The following CCSER1 variants were observed in gnomAD, a reference collection of about 807,000 sequenced individuals.
The protein encoded by CCSER1 is coiled-coil serine rich protein 1, also known as serine-rich coiled-coil domain-containing protein 1.
Under a neutral mutation model 82.0 loss-of-function variants are expected in CCSER1, and 41 were observed. That is an observed-to-expected ratio of 0.50 (90% confidence interval 0.39 to 0.65). The LOEUF (loss-of-function observed/expected upper bound fraction) is 0.65. Among genes scored for constraint, CCSER1 ranks in the 30% least tolerant of loss-of-function variants. The pLI is 0.00. For missense variants in CCSER1, 1,119 were observed against 1,064.2 expected (o/e 1.05, Z -0.72); for synonymous variants, 414 against 383.9 (o/e 1.08, Z -0.92).
intron 9 of CCSER1, among the ~76,000 whole-genome samples, chr4:91,059,042 C>G (rs1289713161): frequency 6.6e-6 from 1 of 151,840 alleles, no homozygotes; most frequent in African/African-American, 2.4e-5. Context: ...TGTTGTACTA[C>G]TGGTAAAAAG....
chr4:91,431,271 TA>T, intron 10 of CCSER1, among the ~76,000 whole-genome samples: 1 of 152,028 alleles, frequency 6.6e-6, no homozygotes, highest in African/African-American at 2.4e-5. Flanking sequence ...AAAACAAACA[TA>T]AAAAATTGGC....
intron 7 of CCSER1, among the ~76,000 whole-genome samples, chr4:90,731,119 T>C (rs984589494): frequency 6.6e-6 from 1 of 152,122 alleles, no homozygotes. Context: ...TAACAATTGA[T>C]TGAATATTGA....
intron 10 of CCSER1, among the ~76,000 whole-genome samples, chr4:91,478,655 A>AT (rs928736544): frequency 6.6e-6 from 1 of 151,948 alleles, no homozygotes; most frequent in African/African-American, 2.4e-5. Context: ...GTTAAACATG[A>AT]TTTTTTTTAA....
At chr4:91,106,939 G>A (rs1725674921) in intron 10 of CCSER1, among the ~76,000 whole-genome samples, 1 of 152,154 alleles carries the variant, frequency 6.6e-6, no homozygotes, top group African/African-American at 2.4e-5. Context: ...ATGACATTTT[G>A]CCCAAGGATA....
chr4:90,767,902 C>G (rs932068284), intron 7 of CCSER1, among the ~76,000 whole-genome samples: 1 of 152,074 alleles, frequency 6.6e-6, no homozygotes, highest in Non-Finnish European at 1.5e-5. Flanking sequence ...ATCCACACAC[C>G]TGGGCCTCCC....
chr4:90,555,388 G>A (rs921355040), intron 5 of CCSER1, among the ~76,000 whole-genome samples: 2 of 151,846 alleles, frequency 1.3e-5, no homozygotes, highest in Non-Finnish European at 1.5e-5. Context: ...GCTTTTGTTG[G>A]TATTTAATAT....
At position 90,933,132 on chromosome 4, in the gene CCSER1, AGTGTGTGTGTGTGTGTGTGTGTGTGT is replaced by A. The variant is rs536402295; in HGVS notation, c.2172+9711_2172+9736del. ...TGTTGTTCCAAAAATGTTACCTAGAAGTGTGTGTGTGTGTGTGTGTGTGTGTGTGTGTGTGTGTGTGTGTGTGTGTG... is the reference window on the plus strand; with the variant it reads ...TGTTGTTCCAAAAATGTTACCTAGAAGTGTGTGTGTGTGTGTGTGTGTGTG... On this transcript the variant is annotated intron_variant, in intron 9 of 10. Transcript: ENST00000509176. Among the ~76,000 whole-genome samples the A allele has an allele frequency of 4.3e-5, 3 of 70,168 alleles. 1 individual carries two copies. Among genetic ancestry groups the A allele is most frequent in the African/African-American group, 2.2e-4 (3 of 13,798 alleles). The allele number at this position is 70,168 out of a possible 152,430, so 46.0% of individuals were successfully genotyped here.
intron 6 of CCSER1, among the ~76,000 whole-genome samples, chr4:90,695,984 T>C (rs927166960): frequency 2.0e-5 from 3 of 152,094 alleles, no homozygotes; most frequent in Admixed American, 2.0e-4. Context: ...TAAATAAAAA[T>C]TTTTAATGAA....
Position 90,497,371 on chromosome 4 carries a change from C to G in CCSER1, c.1724+29017C>G, listed in dbSNP as rs1337847758. On this transcript the variant is annotated intron_variant, in intron 5 of 10. Transcript: ENST00000509176. ...CCTGTTAGATAATTCCTATATTATG[C>G]TATGAAGACAAAGCAAGCCAGAACC... Among the ~76,000 whole-genome samples the G allele has an allele frequency of 2.0e-5, 3 of 152,002 alleles. No homozygotes were observed. The East Asian group carries it at 5.8e-4, about 29-fold the overall frequency.
At chr4:90,791,347 A>G (rs1755206628) in intron 7 of CCSER1, among the ~76,000 whole-genome samples, 1 of 152,132 alleles carries the variant, frequency 6.6e-6, no homozygotes, top group Non-Finnish European at 1.5e-5. Context: ...GCTGCAGAGT[A>G]ATCTTTTGTG....
At chr4:90,932,990 A>AAGAAAGAAGAAAGAAAGAAAG (rs1730264929) in intron 9 of CCSER1, among the ~76,000 whole-genome samples, 1 of 48,490 alleles carries the variant, frequency 2.1e-5, no homozygotes, top group East Asian at 3.8e-4. Flanking sequence ...AAGAGAAAGA[A>AAGAAAGAAGAAAGAAAGAAAG]AGAAAGAAAG....
At chr4:91,358,395 T>TG (rs1184441449) in intron 10 of CCSER1, among the ~76,000 whole-genome samples, 7 of 74,370 alleles carry the variant, frequency 9.4e-5, no homozygotes, top group Non-Finnish European at 1.9e-4. Flanking sequence ...ACCCACGTTG[T>TG]TTTTTTTTTT....
At chr4:91,082,707 T>A in intron 9 of CCSER1, among the ~76,000 whole-genome samples, 1 of 151,884 alleles carries the variant, frequency 6.6e-6, no homozygotes, top group African/African-American at 2.4e-5. Flanking sequence ...CTTAAACAGA[T>A]TTACAAGAAA....
chr4:91,344,140 C>T (rs754556104), intron 10 of CCSER1, among the ~76,000 whole-genome samples: 1 of 152,076 alleles, frequency 6.6e-6, no homozygotes, highest in Admixed American at 6.6e-5. Context: ...TTAAGGGCTT[C>T]GCCAGCTGAA....
chr4:90,906,212 T>A (rs1022716016), intron 8 of CCSER1, among the ~76,000 whole-genome samples: 9 of 152,178 alleles, frequency 5.9e-5, no homozygotes, highest in Non-Finnish European at 1.0e-4. Context: ...TATACGGATT[T>A]GACTTTATTT....
intron 10 of CCSER1, among the ~76,000 whole-genome samples, chr4:91,356,062 G>A (rs1748808389): frequency 6.6e-6 from 1 of 152,186 alleles, no homozygotes; most frequent in Non-Finnish European, 1.5e-5. Context: ...TTTAGGTTTT[G>A]CCCAAGAGTT....
chr4:90,181,331 A>G (rs1351948850), intron 1 of CCSER1, among the ~76,000 whole-genome samples: 1 of 152,198 alleles, frequency 6.6e-6, no homozygotes, highest in African/African-American at 2.4e-5. Context: ...TCAAGGGAAA[A>G]ATTTTCACAA....
intron 1 of CCSER1, among the ~76,000 whole-genome samples, chr4:90,168,715 C>G (rs1216686402): frequency 4.0e-5 from 6 of 151,328 alleles, no homozygotes; most frequent in Non-Finnish European, 8.8e-5. Context: ...TTTCCCAGCA[C>G]CATTTATTAA....
chr4:91,586,665 TA>T (rs1764011221), intron 10 of CCSER1, among the ~76,000 whole-genome samples: 1 of 151,704 alleles, frequency 6.6e-6, no homozygotes, highest in African/African-American at 2.4e-5. Context: ...ATGAACAAGG[TA>T]GGGGTGATGG....
Sources: gnomAD v4.1 joint callset for allele counts (sites outside exome capture counted in the v4.1 genomes callset) on GRCh38, gnomAD v4.1.1 for gene constraint, MANE v1.5 for transcripts, NCBI Gene and HGNC (gene_info 2026-07-23, HGNC 2026-07-21) for gene names.